KATNAL2: variants seen among roughly 807,000 people sequenced by gnomAD.
KATNAL2 encodes katanin catalytic subunit A1 like 2, also known as katanin p60 ATPase-containing subunit A-like 2.
KATNAL2 carries 52 observed loss-of-function variants against 76.3 expected under a neutral mutation model. The ratio of observed to expected loss-of-function variants is 0.68; its 90% CI spans 0.55 to 0.86. The LOEUF (loss-of-function observed/expected upper bound fraction) is 0.86, where lower values mean the gene tolerates loss of function less well. Among genes scored for constraint, KATNAL2 ranks in the 40% least tolerant of loss-of-function variants. The probability of loss-of-function intolerance (pLI) is 0.00; values close to 1 mark genes in which losing one functional copy is unlikely to be tolerated. For synonymous variants in KATNAL2, 243 were observed against 244.2 expected (o/e 1.00, Z 0.05); for missense variants, 660 against 668.9 (o/e 0.99, Z 0.15).
At chr18:47,034,719 C>T (rs2060677230) in intron 3 of KATNAL2, 7 of 1,612,906 alleles carry the variant, frequency 4.3e-6, no homozygotes, top group Non-Finnish European at 5.9e-6. Flanking sequence ...GCTCAGGGCC[C>T]TCGGGCATCC....
chr18:46,918,889 TG>T lies in KATNAL2; in HGVS notation c.-510+964del, dbSNP rs991344753. 4.6e-5 allele frequency among the ~76,000 whole-genome samples: 7 copies of T among 152,124 alleles called. No homozygotes were observed. The South Asian group carries it at 6.2e-4, about 14-fold the overall frequency. ...TCCCACATTTTAATTCAAATTCCCC[TG>T]TTATGACCTCTCCTAGGACCCTGAA... On this transcript the variant is annotated intron_variant, in intron 1 of 17. Transcript: ENST00000683218.
In KATNAL2 at chr18:47,077,348, T is replaced by C; in HGVS notation, c.1101-3T>C. On this transcript the variant is annotated splice_polypyrimidine_tract_variant and splice_region_variant and intron_variant, in intron 14 of 17. Transcript: ENST00000683218. ...AGGAGAATCACGTCTTGTCTCTCTG[T>C]AGGGGAGAACATGAAGGAAGCCTGC... The C allele has an allele frequency of 1.9e-6, 3 of 1,609,598 alleles. No individual in the cohort carries two copies. Among genetic ancestry groups the C allele is most frequent in the Non-Finnish European group, 2.6e-6 (3 of 1,175,970 alleles).
intron 10 of KATNAL2, among the ~76,000 whole-genome samples, chr18:47,065,919 C>A (rs1569104594): frequency 6.6e-6 from 1 of 151,942 alleles, no homozygotes. Context: ...GAGTGGTGAT[C>A]ATGCCACTGC....
intron 3 of KATNAL2, among the ~76,000 whole-genome samples, chr18:47,025,104 C>T (rs1337661444): frequency 2.1e-5 from 2 of 94,542 alleles, no homozygotes; most frequent in African/African-American, 4.9e-5. Context: ...ATCTCCCCCC[C>T]CCACCCCGCC....
intron 6 of KATNAL2, 31 bp from the exon 7 acceptor site, chr18:47,058,204 T>C (rs757271612): frequency 1.4e-6 from 2 of 1,414,678 alleles, no homozygotes; most frequent in East Asian, 2.3e-5. Flanking sequence ...GCTAGAATAA[T>C]TTCTTCCAAG....
intron 3 of KATNAL2, among the ~76,000 whole-genome samples, chr18:46,961,492 A>G (rs1004445861): frequency 1.3e-5 from 2 of 152,248 alleles, no homozygotes; most frequent in Non-Finnish European, 2.9e-5. Flanking sequence ...TATCATTTGT[A>G]GGAGCAAGGG....
At chr18:47,081,066 T>C (rs2062492960) in intron 15 of KATNAL2, among the ~76,000 whole-genome samples, 1 of 150,730 alleles carries the variant, frequency 6.6e-6, no homozygotes, top group Non-Finnish European at 1.5e-5. Flanking sequence ...CTTCTTTCTT[T>C]CCCGCCTTCT....
At chr18:47,039,388 CA>C (rs1193237951) in intron 3 of KATNAL2, among the ~76,000 whole-genome samples, 1 of 152,174 alleles carries the variant, frequency 6.6e-6, no homozygotes, top group East Asian at 1.9e-4. Context: ...CCATCCCCTC[CA>C]CCCACTGCCT....
chr18:47,039,153 C>G (rs890180461), intron 3 of KATNAL2, among the ~76,000 whole-genome samples: 1 of 152,086 alleles, frequency 6.6e-6, no homozygotes, highest in South Asian at 2.1e-4. Flanking sequence ...ATATATCAAG[C>G]CACAATTTTA....
At chr18:47,040,033 A>G (rs2060910174) in intron 3 of KATNAL2, among the ~76,000 whole-genome samples, 1 of 152,202 alleles carries the variant, frequency 6.6e-6, no homozygotes, top group South Asian at 2.1e-4. Flanking sequence ...TTTCTCAAAG[A>G]CTTTTACATG....
chr18:47,050,285 C>T (rs1303561578), intron 4 of KATNAL2, among the ~76,000 whole-genome samples: 1 of 152,088 alleles, frequency 6.6e-6, no homozygotes, highest in African/African-American at 2.4e-5. Context: ...AACTTAAACT[C>T]ACCATGCCAG....
intron 3 of KATNAL2, chr18:47,033,792 T>A: frequency 6.2e-7 from 1 of 1,614,162 alleles, no homozygotes; most frequent in Non-Finnish European, 8.5e-7. Context: ...GTGAAGAGAG[T>A]GCTTCTGGCT....
intron 3 of KATNAL2, chr18:47,035,440 C>G (rs1469309509): frequency 1.5e-6 from 2 of 1,369,696 alleles, no homozygotes; most frequent in East Asian, 2.5e-5. Context: ...GCCACTTGGT[C>G]TGGAACGGCC....
rs72481245 is a variant in KATNAL2, at chr18:47,035,498, G to A, written c.52-10959G>A. On this transcript the variant is annotated intron_variant, in intron 3 of 17. Coordinates refer to ENST00000683218, the MANE Select transcript of KATNAL2 (RefSeq NM_001387690.1). ...GCCCGCTTTTGTTCCTCGGGATGTG[G>A]AGCCACAGCCTGGAGTGACCTCTGC... 1.1e-3 allele frequency: 968 copies of A among 852,882 alleles called. 17 individuals carry two copies. In the East Asian group the frequency reaches 0.022, roughly 20 times the overall value. 52.8% of individuals were successfully genotyped at this position (852,882 alleles called of 1,614,324 possible).
At position 47,063,029 on chromosome 18, in the gene KATNAL2, G is replaced by C; in HGVS notation, c.607G>C (p.Glu203Gln). Residue 203 changes from glutamate to glutamine, a missense_variant, in exon 9 of 18, where the codon GAA becomes CAA. By Grantham distance (29) the Glu-to-Gln change is conservative. Transcript: ENST00000683218. ...LTDAIKGATSELALNTFDHNP... is the reference protein window; with the variant it reads ...LTDAIKGATSQLALNTFDHNP... ...AGATGCCATCAAGGGAGCAACCAGT[G>C]AACTTGCCTTGAACACCTTCGACCA... The C allele has an allele frequency of 6.2e-7, 1 of 1,614,148 alleles. No homozygotes were observed. Among genetic ancestry groups the C allele is most frequent in the Non-Finnish European group, 8.5e-7 (1 of 1,180,016 alleles).
chr18:47,058,158 C>T, intron 6 of KATNAL2, 77 bp from the exon 7 acceptor site: 1 of 988,488 alleles, frequency 1.0e-6, no homozygotes, highest in Non-Finnish European at 1.6e-6. Flanking sequence ...ATGTGCTATT[C>T]TTAAGAATAG....
At chr18:47,040,708 A>G (rs1043641003) in intron 3 of KATNAL2, among the ~76,000 whole-genome samples, 5 of 152,168 alleles carry the variant, frequency 3.3e-5, no homozygotes, top group Admixed American at 6.5e-5. Context: ...CTGAGGTGGG[A>G]GGATCACTTC....
chr18:47,076,797 TTATATA>T (rs35925389), intron 14 of KATNAL2, among the ~76,000 whole-genome samples: 26 of 145,394 alleles, frequency 1.8e-4, no homozygotes, highest in Non-Finnish European at 3.9e-4. Flanking sequence ...AATAAATAAA[TTATATA>T]TATATATATA....
intron 4 of KATNAL2, among the ~76,000 whole-genome samples, chr18:47,048,295 C>A (rs922543199): frequency 1.3e-5 from 2 of 152,140 alleles, no homozygotes; most frequent in East Asian, 1.9e-4. Flanking sequence ...GCTACTGGAA[C>A]TAAAAGTCGG....
Sources: gnomAD v4.1 joint callset for allele counts (sites outside exome capture counted in the v4.1 genomes callset) on GRCh38, gnomAD v4.1.1 for gene constraint, MANE v1.5 for transcripts, NCBI Gene and HGNC (gene_info 2026-07-23, HGNC 2026-07-21) for gene names.